The following ATG7 variants were observed in gnomAD, a reference collection of about 807,000 sequenced individuals.
ATG7 encodes ubiquitin-like modifier-activating enzyme ATG7.
In ATG7, 70 loss-of-function variants were observed where a neutral mutation model predicts 82.4. That is an observed-to-expected ratio of 0.85 (90% confidence interval 0.70 to 1.04). The LOEUF (loss-of-function observed/expected upper bound fraction) is 1.04, where lower values mean the gene tolerates loss of function less well. Ranked by LOEUF, ATG7 falls within the 50% of genes least tolerant of loss-of-function variation. ATG7 has a pLI of 0.00. For missense variants in ATG7, 792 were observed against 864.3 expected (o/e 0.92, Z 1.05); for synonymous variants, 287 against 313.0 (o/e 0.92, Z 0.88).
chr3:11,484,372 T>A (rs565323328), intron 20 of ATG7, among the ~76,000 whole-genome samples: 1 of 152,136 alleles, frequency 6.6e-6, no homozygotes, highest in South Asian at 2.1e-4. Flanking sequence ...CTAGCCCGGA[T>A]GACAGGAGAC....
At chr3:11,394,268 T>C (rs1485888910) in intron 19 of ATG7, among the ~76,000 whole-genome samples, 1 of 152,200 alleles carries the variant, frequency 6.6e-6, no homozygotes, top group Non-Finnish European at 1.5e-5. Flanking sequence ...ACTAAGGATA[T>C]ATTATATAAC....
intron 18 of ATG7, among the ~76,000 whole-genome samples, chr3:11,367,195 G>T (rs772182184): frequency 6.6e-6 from 1 of 152,030 alleles, no homozygotes; most frequent in Non-Finnish European, 1.5e-5. Flanking sequence ...TTGATTAGGG[G>T]ACCATCGTTT....
At position 11,533,749 on chromosome 3, in the gene ATG7, C is replaced by T. The variant is rs147065490; in HGVS notation, c.2080-21062C>T. ...TTCTGTTAGCCAAAATGTAGCCTTA[C>T]ATTTTGAACTTAGCACCTCATATTT... On this transcript the variant is annotated intron_variant, in intron 20 of 20. Coordinates refer to ENST00000693202, the MANE Select transcript of ATG7 (RefSeq NM_001349232.2). Among the ~76,000 whole-genome samples the T allele has an allele frequency of 6.6e-5, 10 of 152,174 alleles. No individual in the cohort carries two copies. In the East Asian group the frequency reaches 1.9e-3, roughly 29 times the overall value.
At chr3:11,506,651 A>C (rs1040234373) in intron 20 of ATG7, among the ~76,000 whole-genome samples, 5 of 150,408 alleles carry the variant, frequency 3.3e-5, no homozygotes, top group Non-Finnish European at 7.4e-5. Context: ...CTGAGGCAGG[A>C]CAATCACTTG....
At chr3:11,404,012 T>TC (rs540343545) in intron 19 of ATG7, among the ~76,000 whole-genome samples, 36 of 151,682 alleles carry the variant, frequency 2.4e-4, no homozygotes, top group East Asian at 7.8e-4. Context: ...AAAAGAAATC[T>TC]CCCCCCCAGA....
At chr3:11,426,192 C>T (rs761020015) in intron 19 of ATG7, among the ~76,000 whole-genome samples, 8 of 152,092 alleles carry the variant, frequency 5.3e-5, no homozygotes, top group Non-Finnish European at 1.0e-4. Context: ...ACATCCTTGC[C>T]AGCACTTGGT....
intron 20 of ATG7, among the ~76,000 whole-genome samples, chr3:11,449,428 C>T (rs2084893063): frequency 6.6e-6 from 1 of 152,186 alleles, no homozygotes; most frequent in Non-Finnish European, 1.5e-5. Flanking sequence ...CCAGAGTCTT[C>T]ACTACCCTTG....
Position 11,378,572 on chromosome 3 carries a change from C to T in ATG7, c.1876-1400C>T, listed in dbSNP as rs2077613718. Among the ~76,000 whole-genome samples, 8 of 148,934 alleles carry T rather than the reference C, an allele frequency of 5.4e-5. No individual in the cohort carries two copies. In the South Asian group the frequency reaches 1.7e-3, roughly 32 times the overall value. ...TGGTGGTGGGCGCCTGTAATTCCAGCTACTCGGGAGGCTGAGGCAGGAGAA... is the reference window on the plus strand; with the variant it reads ...TGGTGGTGGGCGCCTGTAATTCCAGTTACTCGGGAGGCTGAGGCAGGAGAA... On this transcript the variant is annotated intron_variant, in intron 18 of 20. Coordinates refer to ENST00000693202, the MANE Select transcript of ATG7 (RefSeq NM_001349232.2).
At chr3:11,446,228 A>G (rs2084536756) in intron 20 of ATG7, among the ~76,000 whole-genome samples, 1 of 151,122 alleles carries the variant, frequency 6.6e-6, no homozygotes. Flanking sequence ...TTTAGACCAC[A>G]TCTGCACCAG....
At chr3:11,412,108 T>C (rs1329012797) in intron 19 of ATG7, among the ~76,000 whole-genome samples, 2 of 152,084 alleles carry the variant, frequency 1.3e-5, no homozygotes, top group Non-Finnish European at 2.9e-5. Flanking sequence ...GCCAAGGAGA[T>C]AGGAGCTCAG....
intron 19 of ATG7, among the ~76,000 whole-genome samples, chr3:11,391,936 C>T (rs1472222278): frequency 7.4e-6 from 1 of 134,782 alleles, no homozygotes. Flanking sequence ...GATTCATATG[C>T]ATAGAATTCC....
At position 11,555,622 on chromosome 3, in the gene ATG7, C is replaced by G. The variant is rs2072331491; in HGVS notation, c.*779C>G. The G allele has an allele frequency of 6.6e-6, 1 of 152,166 alleles. No homozygotes were observed. Among genetic ancestry groups the G allele is most frequent in the Non-Finnish European group, 1.5e-5 (1 of 68,084 alleles). 9.4% of individuals were successfully genotyped at this position (152,166 alleles called of 1,614,324 possible). A position where few individuals can be genotyped will look rare whatever the true frequency, so the allele number is the denominator to read the frequency against. On this transcript the variant is annotated 3_prime_UTR_variant, in exon 21 of 21. Transcript: ENST00000693202. ...CCTGCCCTTATGAGCAGGCCAGGCC[C>G]AGAAAGGCCGAGCCTGGGCTGCCTT...
intron 20 of ATG7, among the ~76,000 whole-genome samples, chr3:11,493,423 G>A (rs2153051403): frequency 6.6e-6 from 1 of 152,320 alleles, no homozygotes; most frequent in East Asian, 1.9e-4. Context: ...CATTCAATTG[G>A]TAAAAAGACA....
intron 9 of ATG7, among the ~76,000 whole-genome samples, chr3:11,321,276 C>T (rs1950183353): frequency 6.6e-6 from 1 of 152,108 alleles, no homozygotes; most frequent in African/African-American, 2.4e-5. Flanking sequence ...CTCTTTGTTC[C>T]AAGTCAGAGT....
At chr3:11,575,605 C>T in the ATG7 span, among the ~76,000 whole-genome samples, 2 of 152,190 alleles carry the variant, frequency 1.3e-5, no homozygotes, top group Non-Finnish European at 2.9e-5. Context: ...ACTTACCCAG[C>T]GGCAGCCGCT....
At chr3:11,428,447 C>CT (rs1245111946) in intron 20 of ATG7, among the ~76,000 whole-genome samples, 4 of 152,202 alleles carry the variant, frequency 2.6e-5, no homozygotes, top group Non-Finnish European at 4.4e-5. Flanking sequence ...TAGTGCTGGA[C>CT]TTAAACTGAA....
intron 20 of ATG7, among the ~76,000 whole-genome samples, chr3:11,443,160 T>C (rs2084167947): frequency 1.3e-5 from 2 of 152,194 alleles, no homozygotes; most frequent in Admixed American, 1.3e-4. Flanking sequence ...TGGGCCACCA[T>C]ACACACTTCT....
chr3:11,520,168 C>A (rs1055503043), intron 20 of ATG7, among the ~76,000 whole-genome samples: 3 of 152,126 alleles, frequency 2.0e-5, no homozygotes, highest in Admixed American at 2.0e-4. Context: ...GTAAACCCAC[C>A]CAGAGTCACA....
chr3:11,315,357 A>G lies in ATG7; in HGVS notation c.542A>G (p.Glu181Gly), dbSNP rs912870206. The change falls in exon 9 of 21, where the codon GAG (glutamate) becomes GGG (glycine). Residue 181 changes from glutamate to glycine, a missense_variant. Glu to Gly is a moderately conservative substitution (Grantham distance 98). Coordinates refer to ENST00000693202, the MANE Select transcript of ATG7 (RefSeq NM_001349232.2). ...TTCTGTTTTCAGATTGAAGCACTAGAGTGTGCATATGATAATCTTTGTCAA... is the reference window on the plus strand; with the variant it reads ...TTCTGTTTTCAGATTGAAGCACTAGGGTGTGCATATGATAATCTTTGTCAA... The part of the protein sequence containing the change: ...RFSLKQIEAL[E>G]CAYDNLCQTE... The G allele has an allele frequency of 1.9e-6, 3 of 1,598,022 alleles. No individual in the cohort carries two copies. Among genetic ancestry groups the G allele is most frequent in the Non-Finnish European group, 2.6e-6 (3 of 1,174,118 alleles).
Sources: allele counts gnomAD v4.1 joint callset (sites outside exome capture counted in the v4.1 genomes callset), GRCh38; gene constraint gnomAD v4.1.1; transcripts MANE v1.5; gene names NCBI Gene and HGNC (gene_info 2026-07-23, HGNC 2026-07-21).